Variants in ENTREP3 observed in about 807,000 individuals in gnomAD.
ENTREP3 encodes protein ENTREP3.
At chr1:155,252,713 TATATATA>T in the ENTREP3 span, 3 of 58,832 alleles carry the variant, frequency 5.1e-5, no homozygotes, top group African/African-American at 2.6e-4. Flanking sequence ...TATATATATA[TATATATA>T]TATTTTTTTT....
chr1:155,251,074 C>T, the ENTREP3 span: 4 of 1,605,332 alleles, frequency 2.5e-6, no homozygotes, highest in South Asian at 2.2e-5. Context: ...CCTTGTCCAC[C>T]CCTCATTACG....
the ENTREP3 span, chr1:155,252,114 T>C: frequency 2.2e-6 from 1 of 452,516 alleles, no homozygotes; most frequent in Non-Finnish European, 3.8e-6. Flanking sequence ...CACCCACAAA[T>C]TCCTCTTTAT....
the ENTREP3 span, chr1:155,251,578 T>C: frequency 1.2e-6 from 2 of 1,613,972 alleles, no homozygotes; most frequent in Non-Finnish European, 1.7e-6. Context: ...CACTGGGCTG[T>C]CCATGGAGCC....
chr1:155,252,031 T>C, the ENTREP3 span: 2 of 675,492 alleles, frequency 3.0e-6, no homozygotes, highest in African/African-American at 1.9e-5. Context: ...GCTCTTGTTC[T>C]GGCCCCTCCC....
At chr1:155,252,255 T>C in the ENTREP3 span, among the ~76,000 whole-genome samples, 2 of 151,988 alleles carry the variant, frequency 1.3e-5, no homozygotes, top group East Asian at 3.9e-4. Flanking sequence ...TGGAGTGCAG[T>C]GGCGCGATCT....
the ENTREP3 span, chr1:155,251,452 A>T: frequency 2.2e-6 from 3 of 1,375,286 alleles, no homozygotes; most frequent in Non-Finnish European, 3.1e-6. Flanking sequence ...TCAGCTTTCC[A>T]GGCTACAACC....
the ENTREP3 span, among the ~76,000 whole-genome samples, chr1:155,250,121 G>T: frequency 6.6e-6 from 1 of 152,172 alleles, no homozygotes; most frequent in African/African-American, 2.4e-5. This position sits in a 1 kb window ranked among gnomAD's most constrained non-coding sequence, Gnocchi z 5.4. Context: ...TCCCTAGGAG[G>T]TGAGTACCTG....
At chr1:155,253,634 G>A in the ENTREP3 span, 48 of 1,612,686 alleles carry the variant, frequency 3.0e-5, no homozygotes, top group Middle Eastern at 1.6e-4. Flanking sequence ...CCGTATGCAC[G>A]AGGTCCAGGG....
chr1:155,250,488 C>T, the ENTREP3 span: 3 of 1,490,342 alleles, frequency 2.0e-6, no homozygotes, highest in Non-Finnish European at 2.7e-6. This position sits in a 1 kb window ranked among gnomAD's most constrained non-coding sequence, Gnocchi z 5.4. Context: ...GAAGCAGGGT[C>T]CCACCCAGGG....
chr1:155,252,113 A>C, the ENTREP3 span: 1 of 450,496 alleles, frequency 2.2e-6, no homozygotes, highest in Non-Finnish European at 3.8e-6. Context: ...CCACCCACAA[A>C]TTCCTCTTTA....
chr1:155,254,612 C>T, the ENTREP3 span: 4 of 1,585,626 alleles, frequency 2.5e-6, no homozygotes, highest in Non-Finnish European at 3.4e-6. The surrounding 1 kb of genome is among the most constrained non-coding windows in gnomAD (Gnocchi z 4.4). Context: ...GGGTGGGGCC[C>T]GAGGAGCCTC....
At chr1:155,251,791 G>A in the ENTREP3 span, 6 of 1,592,538 alleles carry the variant, frequency 3.8e-6, no homozygotes, top group South Asian at 1.1e-5. Flanking sequence ...GGCGGTGGGG[G>A]CACAGGCGGG....
At chr1:155,255,116 G>T in the ENTREP3 span, 1 of 587,866 alleles carries the variant, frequency 1.7e-6, no homozygotes, top group Admixed American at 3.0e-5. The surrounding 1 kb of genome is among the most constrained non-coding windows in gnomAD (Gnocchi z 5.6). Flanking sequence ...CGGGCACCGT[G>T]CCCGGGGCGA....
chr1:155,251,256 C>A, the ENTREP3 span: 3 of 1,054,348 alleles, frequency 2.8e-6, no homozygotes, highest in Non-Finnish European at 4.1e-6. Flanking sequence ...TCCAGACCAG[C>A]CTTGTCCCTT....
At chr1:155,254,628 C>T in the ENTREP3 span, 1 of 1,603,022 alleles carries the variant, frequency 6.2e-7, no homozygotes, top group Admixed American at 1.7e-5. This position sits in a 1 kb window ranked among gnomAD's most constrained non-coding sequence, Gnocchi z 4.4. Context: ...GCCTCCCCCA[C>T]CCAACAACTG....
At chr1:155,247,618 G>A in the ENTREP3 span, 4 of 753,336 alleles carry the variant, frequency 5.3e-6, no homozygotes, top group Admixed American at 8.1e-5. Flanking sequence ...GAGCAGCAGA[G>A]GCAAGCAGCA....
the ENTREP3 span, chr1:155,250,983 C>G: frequency 7.9e-7 from 1 of 1,271,590 alleles, no homozygotes; most frequent in Non-Finnish European, 1.1e-6. This position sits in a 1 kb window ranked among gnomAD's most constrained non-coding sequence, Gnocchi z 5.4. Flanking sequence ...CACAGCCCTC[C>G]TATGTCCCCA....
At chr1:155,250,804 A>C in the ENTREP3 span, 2 of 1,606,322 alleles carry the variant, frequency 1.2e-6, no homozygotes, top group East Asian at 4.5e-5. The surrounding 1 kb of genome is among the most constrained non-coding windows in gnomAD (Gnocchi z 5.4). Flanking sequence ...AGCACCAGAG[A>C]CCCGCTGTCC....
At chr1:155,252,054 A>C in the ENTREP3 span, 1 of 562,478 alleles carries the variant, frequency 1.8e-6, no homozygotes, top group Non-Finnish European at 3.0e-6. Context: ...ACCCAAAATC[A>C]GCTCTCCTTA....
Sources: allele counts gnomAD v4.1 joint callset (sites outside exome capture counted in the v4.1 genomes callset), GRCh38; gene constraint gnomAD v4.1.1; non-coding constraint Gnocchi (gnomAD v3.1); transcripts MANE v1.5; gene names NCBI Gene and HGNC (gene_info 2026-07-23, HGNC 2026-07-21).